The following NRG3 variants were observed in gnomAD, a reference collection of about 807,000 sequenced individuals.
NRG3 encodes neuregulin 3.
NRG3 carries 31 observed loss-of-function variants against 66.9 expected under a neutral mutation model. The ratio of observed to expected loss-of-function variants is 0.46; its 90% CI spans 0.35 to 0.63. NRG3 has a LOEUF of 0.63. Among genes scored for constraint, NRG3 ranks in the 20% least tolerant of loss-of-function variants. The pLI is 0.00. For missense variants in NRG3, 910 were observed against 878.9 expected, an observed-to-expected ratio of 1.04 and a Z score of -0.45; for synonymous variants, 393 against 359.4, an observed-to-expected ratio of 1.09 and a Z score of -1.06.
chr10:81,981,548 T>A (rs1234037097), intron 1 of NRG3, among the ~76,000 whole-genome samples: 1 of 152,092 alleles, frequency 6.6e-6, no homozygotes, highest in Non-Finnish European at 1.5e-5. Flanking sequence ...TGAGTGACAG[T>A]CCTGTCTCTA....
intron 1 of NRG3, among the ~76,000 whole-genome samples, chr10:81,923,350 C>T (rs568510492): frequency 2.6e-5 from 4 of 152,048 alleles, no homozygotes; most frequent in Admixed American, 6.5e-5. Context: ...GGACTACAGG[C>T]GCCCGCCACC....
chr10:82,782,652 A>G (rs1383430507), intron 3 of NRG3, among the ~76,000 whole-genome samples: 4 of 152,076 alleles, frequency 2.6e-5, no homozygotes, highest in Non-Finnish European at 4.4e-5. Flanking sequence ...AAAAGTCTAG[A>G]TCATCATGAA....
chr10:81,938,647 A>ATGTGTG (rs766914179), intron 1 of NRG3, among the ~76,000 whole-genome samples: 4,380 of 113,050 alleles, frequency 0.039, 222 homozygotes, highest in African/African-American at 0.17. Flanking sequence ...GTGTGCATGC[A>ATGTGTG]TGCATGCATG....
intron 1 of NRG3, among the ~76,000 whole-genome samples, chr10:82,063,632 A>G (rs889417148): frequency 6.6e-6 from 1 of 152,100 alleles, no homozygotes; most frequent in African/African-American, 2.4e-5. Context: ...ATAGAAGCTA[A>G]TATTTGGTAA....
chr10:82,421,443 C>G (rs886676213), intron 2 of NRG3, among the ~76,000 whole-genome samples: 1 of 151,968 alleles, frequency 6.6e-6, no homozygotes, highest in African/African-American at 2.4e-5. Flanking sequence ...CAATGATGTA[C>G]TCTTAGCATG....
At chr10:82,860,933 G>A (rs141587522) in intron 3 of NRG3, among the ~76,000 whole-genome samples, 1 of 152,152 alleles carries the variant, frequency 6.6e-6, no homozygotes, top group Non-Finnish European at 1.5e-5. Flanking sequence ...CATACTGCTT[G>A]CTTTGAGAAA....
Position 82,480,593 on chromosome 10 carries a change from A to G in NRG3, c.953+121725A>G, listed in dbSNP as rs141730007. On this transcript the variant is annotated intron_variant, in intron 2 of 8. Coordinates refer to ENST00000372141, the MANE Select transcript of NRG3 (RefSeq NM_001010848.4). ...GTATATGAGAATCATTTTCTCATTTACATTACATATTGGCATCTATTCAGG... is the reference window on the plus strand; with the variant it reads ...GTATATGAGAATCATTTTCTCATTTGCATTACATATTGGCATCTATTCAGG... 3.5e-3 allele frequency among the ~76,000 whole-genome samples: 538 copies of G among 152,312 alleles called. 4 individuals are homozygous for G. Among genetic ancestry groups the G allele is most frequent in the African/African-American group, 0.012 (512 of 41,564 alleles).
chr10:82,670,399 T>C (rs1377566035), intron 2 of NRG3, among the ~76,000 whole-genome samples: 2 of 152,196 alleles, frequency 1.3e-5, no homozygotes, highest in African/African-American at 4.8e-5. Context: ...GCACAGTAAA[T>C]TATCAGAGAC....
At chr10:82,978,613 A>G (rs373442249) in intron 7 of NRG3, among the ~76,000 whole-genome samples, 9 of 152,314 alleles carry the variant, frequency 5.9e-5, no homozygotes, top group African/African-American at 2.2e-4. Flanking sequence ...TGGCTTGGAT[A>G]ATCAGGATGG....
At chr10:81,989,293 A>G (rs1026091652) in intron 1 of NRG3, among the ~76,000 whole-genome samples, 4 of 152,110 alleles carry the variant, frequency 2.6e-5, no homozygotes, top group African/African-American at 9.7e-5. Flanking sequence ...GATTAAAGCA[A>G]AAGAGTTATC....
intron 3 of NRG3, among the ~76,000 whole-genome samples, chr10:82,806,240 T>C (rs1480916929): frequency 6.6e-6 from 1 of 152,188 alleles, no homozygotes; most frequent in Non-Finnish European, 1.5e-5. Flanking sequence ...TATTGACACT[T>C]CCTGTTATAA....
intron 1 of NRG3, among the ~76,000 whole-genome samples, chr10:82,334,042 C>T (rs1438694772): frequency 6.7e-6 from 1 of 150,320 alleles, no homozygotes; most frequent in African/African-American, 2.5e-5. Context: ...TGGTGGCGGG[C>T]GCCTGTAGTC....
chr10:82,215,623 G>A (rs1246704443), intron 1 of NRG3, among the ~76,000 whole-genome samples: 4 of 152,080 alleles, frequency 2.6e-5, no homozygotes, highest in Non-Finnish European at 2.9e-5. Flanking sequence ...TTATGCAATC[G>A]ATGGGTGAAG....
intron 1 of NRG3, among the ~76,000 whole-genome samples, chr10:82,354,565 T>A (rs2083657434): frequency 6.6e-6 from 1 of 152,016 alleles, no homozygotes; most frequent in Admixed American, 6.6e-5. Flanking sequence ...TAATTTTTTG[T>A]ATTTTTAGTA....
chr10:82,017,943 A>T (rs2061865887), intron 1 of NRG3, among the ~76,000 whole-genome samples: 1 of 152,118 alleles, frequency 6.6e-6, no homozygotes, highest in East Asian at 1.9e-4. Context: ...CTTTAGTTTA[A>T]TTAGATCCCA....
chr10:82,108,858 A>G lies in NRG3; in HGVS notation c.823+232695A>G, dbSNP rs532856257. On this transcript the variant is annotated intron_variant, in intron 1 of 8. Transcript: ENST00000372141. ...TGTGGCCACAGCCTGGATATGGTAT[A>G]TTTATATTTACCCAGAGTGGCCTCT... Among the ~76,000 whole-genome samples the G allele has an allele frequency of 3.3e-5, 5 of 152,264 alleles. No individual in the cohort carries two copies. The East Asian group carries it at 9.7e-4, about 29-fold the overall frequency.
chr10:82,668,957 TTCCC>T (rs1483604166), intron 2 of NRG3, among the ~76,000 whole-genome samples: 1 of 152,170 alleles, frequency 6.6e-6, no homozygotes, highest in Non-Finnish European at 1.5e-5. Context: ...GCTATGCTAC[TTCCC>T]ATCTGGGAAC....
At chr10:81,906,283 G>T (rs867702714) in intron 1 of NRG3, among the ~76,000 whole-genome samples, 11 of 152,172 alleles carry the variant, frequency 7.2e-5, no homozygotes, top group Middle Eastern at 3.4e-3. Flanking sequence ...AACAGACCCT[G>T]CTCTTCAATA....
At chr10:82,428,931 A>G (rs917481427) in intron 2 of NRG3, among the ~76,000 whole-genome samples, 3 of 152,012 alleles carry the variant, frequency 2.0e-5, no homozygotes, top group Non-Finnish European at 4.4e-5. Context: ...AACGTATATT[A>G]CTGATACATT....
Sources: allele counts gnomAD v4.1 joint callset (sites outside exome capture counted in the v4.1 genomes callset), GRCh38; gene constraint gnomAD v4.1.1; transcripts MANE v1.5; gene names NCBI Gene and HGNC (gene_info 2026-07-23, HGNC 2026-07-21).